TENM2: variants seen among roughly 807,000 people sequenced by gnomAD.
TENM2 encodes the protein teneurin transmembrane protein 2.
In TENM2, 52 loss-of-function variants were observed where a neutral mutation model predicts 245.2. The ratio of observed to expected loss-of-function variants is 0.21; its 90% CI spans 0.17 to 0.27. The LOEUF is 0.27. Among genes scored for constraint, TENM2 ranks in the 10% least tolerant of loss-of-function variants. The probability of loss-of-function intolerance (pLI) is 1.00; values close to 1 mark genes in which losing one functional copy is unlikely to be tolerated. For synonymous variants in TENM2, 1,363 were observed against 1,438.9 expected (o/e 0.95, Z 1.19); for missense variants, 3,046 against 3,666.8 (o/e 0.83, Z 4.37).
At chr5:167,808,405 A>G (rs972712579) in intron 2 of TENM2, among the ~76,000 whole-genome samples, 1 of 152,126 alleles carries the variant, frequency 6.6e-6, no homozygotes, top group Non-Finnish European at 1.5e-5. Context: ...GATTACAGGC[A>G]TGCACCACCA....
In TENM2 at chr5:168,247,481, G is replaced by C; in HGVS notation, c.6542G>C (p.Ser2181Thr). The C allele has an allele frequency of 6.2e-7, 1 of 1,612,508 alleles. No individual in the cohort carries two copies. The highest frequency in any genetic ancestry group is 8.5e-7 in the Non-Finnish European group (1 of 1,178,806). ...TACTGGATGACGGTGCAATATGACA[G>C]CATGGGCAGGGTGATCAAGAGGGAG... The change falls in exon 27 of 29, where the codon AGC becomes ACC. Residue 2181 changes from serine (S) to threonine (T), a missense_variant. Transcript: ENST00000518659. This position sits in a 1 kb window ranked among gnomAD's most constrained non-coding sequence, Gnocchi z 7.8.
chr5:167,878,573 CTGTGTGTGTG>C (rs10573629), intron 3 of TENM2, among the ~76,000 whole-genome samples: 118 of 150,124 alleles, frequency 7.9e-4, no homozygotes, highest in Non-Finnish European at 1.2e-3. Flanking sequence ...GTGCTCACGT[CTGTGTGTGTG>C]TGTGTGTGTG....
chr5:167,124,973 C>T, the TENM2 span, among the ~76,000 whole-genome samples: 1 of 152,254 alleles, frequency 6.6e-6, no homozygotes, highest in Admixed American at 6.5e-5. Flanking sequence ...GTTATTTCCC[C>T]ACCGTGGAAC....
the TENM2 span, among the ~76,000 whole-genome samples, chr5:167,073,978 A>C: frequency 6.6e-6 from 1 of 152,158 alleles, no homozygotes; most frequent in Non-Finnish European, 1.5e-5. Flanking sequence ...TTCTTAAGAC[A>C]CCTACAACCA....
the TENM2 span, among the ~76,000 whole-genome samples, chr5:167,004,600 T>C: frequency 6.6e-6 from 1 of 152,246 alleles, no homozygotes; most frequent in South Asian, 2.1e-4. Flanking sequence ...GAATTCTTTG[T>C]GTTTAAAACC....
the TENM2 span, among the ~76,000 whole-genome samples, chr5:167,007,018 A>G: frequency 2.0e-5 from 3 of 152,192 alleles, no homozygotes; most frequent in Admixed American, 6.5e-5. This position sits in a 1 kb window ranked among gnomAD's most constrained non-coding sequence, Gnocchi z 4.2. Context: ...CTTTAAGTCA[A>G]TAAAATTTTC....
intron 2 of TENM2, among the ~76,000 whole-genome samples, chr5:167,854,991 T>C (rs913108232): frequency 1.3e-5 from 2 of 152,210 alleles, no homozygotes; most frequent in Non-Finnish European, 2.9e-5. Context: ...ATAACAAAAG[T>C]GGCTTTGCTA....
intron 27 of TENM2, among the ~76,000 whole-genome samples, chr5:168,256,507 C>A (rs1767679017): frequency 6.6e-6 from 1 of 150,550 alleles, no homozygotes; most frequent in South Asian, 2.1e-4. Context: ...CTCACTGCAG[C>A]CTCCACCTCC....
chr5:167,232,149 C>T, the TENM2 span, among the ~76,000 whole-genome samples: 4 of 152,244 alleles, frequency 2.6e-5, no homozygotes, highest in East Asian at 5.8e-4. Context: ...CATGGAGAAC[C>T]TTTTCTAGGG....
At chr5:167,024,565 G>T in the TENM2 span, among the ~76,000 whole-genome samples, 1 of 152,158 alleles carries the variant, frequency 6.6e-6, no homozygotes, top group African/African-American at 2.4e-5. Context: ...ATCAGATTTG[G>T]GTTGGGAGAC....
intron 2 of TENM2, among the ~76,000 whole-genome samples, chr5:167,856,729 G>C (rs1771132243): frequency 6.6e-6 from 1 of 152,148 alleles, no homozygotes; most frequent in Non-Finnish European, 1.5e-5. Context: ...ACAAAATTAT[G>C]GGGATTTAGG....
chr5:167,493,656 T>G (rs1723309683), intron 2 of TENM2, among the ~76,000 whole-genome samples: 1 of 152,128 alleles, frequency 6.6e-6, no homozygotes. Context: ...ACATGATATC[T>G]TAGTTCATAA....
chr5:168,211,952 T>C (rs1287908067), intron 20 of TENM2, among the ~76,000 whole-genome samples, 198 bp downstream of exon 22: 1 of 152,198 alleles, frequency 6.6e-6, no homozygotes, highest in Non-Finnish European at 1.5e-5. Context: ...AGCAACCAAA[T>C]AAGCTGACAG....
At chr5:168,208,667 G>C (rs780242234) in intron 19 of TENM2, among the ~76,000 whole-genome samples, 6 of 152,212 alleles carry the variant, frequency 3.9e-5, no homozygotes, top group Non-Finnish European at 7.3e-5. Flanking sequence ...GGAAAGAAAA[G>C]TCATGAAGCA....
At chr5:167,478,233 C>G (rs559009401) in intron 2 of TENM2, among the ~76,000 whole-genome samples, 32 of 152,296 alleles carry the variant, frequency 2.1e-4, no homozygotes, top group Middle Eastern at 6.8e-3. Flanking sequence ...GAAAACATGG[C>G]TTGCAGGAGC....
At chr5:167,077,892 A>G in the TENM2 span, among the ~76,000 whole-genome samples, 1 of 152,206 alleles carries the variant, frequency 6.6e-6, no homozygotes, top group African/African-American at 2.4e-5. Context: ...AAAGTAGTCC[A>G]GAGGTGTTTG....
the TENM2 span, among the ~76,000 whole-genome samples, chr5:167,135,789 C>T: frequency 3.3e-5 from 5 of 151,684 alleles, no homozygotes; most frequent in Non-Finnish European, 5.9e-5. Context: ...GAGCGAGACT[C>T]CATCTCAAAA....
At chr5:167,821,714 G>A (rs1414372100) in intron 2 of TENM2, among the ~76,000 whole-genome samples, 1 of 152,080 alleles carries the variant, frequency 6.6e-6, no homozygotes, top group African/African-American at 2.4e-5. Context: ...GTTATGTGAT[G>A]TATTGCTATA....
intron 2 of TENM2, among the ~76,000 whole-genome samples, chr5:167,521,941 A>T (rs900502215): frequency 6.6e-6 from 1 of 152,140 alleles, no homozygotes; most frequent in Non-Finnish European, 1.5e-5. Flanking sequence ...AATTTATGGT[A>T]TCCTTTGAGT....
Sources: allele counts gnomAD v4.1 joint callset (sites outside exome capture counted in the v4.1 genomes callset), GRCh38; gene constraint gnomAD v4.1.1; non-coding constraint Gnocchi (gnomAD v3.1); transcripts MANE v1.5; gene names NCBI Gene and HGNC (gene_info 2026-07-23, HGNC 2026-07-21).